The following DACH1 variants were observed in gnomAD, a reference collection of about 807,000 sequenced individuals.
DACH1 encodes the protein dachshund family transcription factor 1.
A neutral mutation model predicts 54.2 loss-of-function variants in DACH1; 12 were observed. The ratio of observed to expected loss-of-function variants is 0.22; its 90% CI spans 0.14 to 0.36. The LOEUF (loss-of-function observed/expected upper bound fraction) is 0.36, where lower values mean the gene tolerates loss of function less well. Ranked by LOEUF, DACH1 falls within the 10% of genes least tolerant of loss-of-function variation. DACH1 has a pLI of 1.00. For synonymous variants in DACH1, 386 were observed against 366.2 expected, an observed-to-expected ratio of 1.05 and a Z score of -0.62; for missense variants, 805 against 929.8, an observed-to-expected ratio of 0.87 and a Z score of 1.75.
At chr13:71,762,883 T>C (rs765531070) in intron 1 of DACH1, among the ~76,000 whole-genome samples, 1 of 151,832 alleles carries the variant, frequency 6.6e-6, no homozygotes, top group African/African-American at 2.4e-5. Context: ...AATTTAATAA[T>C]GTAGTTTTTT....
chr13:71,648,581 G>A (rs1878461844), intron 2 of DACH1, among the ~76,000 whole-genome samples: 1 of 152,132 alleles, frequency 6.6e-6, no homozygotes, highest in Non-Finnish European at 1.5e-5. Flanking sequence ...GCAGGCATAT[G>A]GTATAGGACA....
chr13:71,735,409 TAC>T (rs1329815597), intron 1 of DACH1, among the ~76,000 whole-genome samples: 1 of 31,012 alleles, frequency 3.2e-5, no homozygotes, highest in African/African-American at 8.6e-5. Flanking sequence ...ATACGGGATA[TAC>T]ACGTATATGG....
At chr13:71,449,185 G>A (rs1233484035) in intron 10 of DACH1, among the ~76,000 whole-genome samples, 1 of 152,088 alleles carries the variant, frequency 6.6e-6, no homozygotes, top group African/African-American at 2.4e-5. Context: ...AATTAGCGGG[G>A]CGTGGTGGCA....
rs532462253 is a variant in DACH1 at position 71,603,726 on chromosome 13, A to C, written c.1126+26830T>G. 1.1e-3 allele frequency among the ~76,000 whole-genome samples: 167 copies of C among 152,140 alleles called. 1 individual carries two copies. The highest frequency in any genetic ancestry group is 5.8e-4 in the East Asian group (3 of 5,190). On this transcript the variant is annotated intron_variant, in intron 3 of 10. Coordinates refer to ENST00000613252, the MANE Select transcript of DACH1 (RefSeq NM_080759.6). ...TAGATACTCCAACAAATAATATTTT[A>C]TATAAATTACCTATCAAGAAAAATA...
chr13:71,490,699 A>T (rs1347189687), intron 6 of DACH1, among the ~76,000 whole-genome samples: 1 of 152,194 alleles, frequency 6.6e-6, no homozygotes, highest in African/African-American at 2.4e-5. Context: ...GATCTTGGAC[A>T]CCATTTACCT....
chr13:71,675,365 T>A, intron 2 of DACH1: 1 of 1,503,326 alleles, frequency 6.7e-7, no homozygotes, highest in South Asian at 1.1e-5. Flanking sequence ...GAGGCCTATC[T>A]GGTTGGCCTT....
At chr13:71,687,473 A>G (rs1359168652) in intron 1 of DACH1, among the ~76,000 whole-genome samples, 2 of 152,216 alleles carry the variant, frequency 1.3e-5, no homozygotes, top group Non-Finnish European at 2.9e-5. Flanking sequence ...ATAAATACAT[A>G]GAAAAAAAGA....
intron 2 of DACH1, among the ~76,000 whole-genome samples, chr13:71,657,099 A>G (rs918031630): frequency 5.3e-5 from 8 of 151,162 alleles, no homozygotes; most frequent in Admixed American, 5.3e-4. Flanking sequence ...TTAGTTATAA[A>G]TTATTGATCA....
chr13:71,547,096 T>C (rs1270991706), intron 6 of DACH1, among the ~76,000 whole-genome samples: 5 of 152,086 alleles, frequency 3.3e-5, no homozygotes, highest in Non-Finnish European at 7.4e-5. Flanking sequence ...AATGAAAACC[T>C]TCAAACGAAA....
intron 6 of DACH1, among the ~76,000 whole-genome samples, chr13:71,532,286 T>C (rs2138309081): frequency 6.6e-6 from 1 of 151,954 alleles, no homozygotes; most frequent in East Asian, 1.9e-4. Flanking sequence ...GAAAAAGATA[T>C]ATTTCCTATC....
At chr13:71,486,831 T>C (rs551842189) in intron 7 of DACH1, among the ~76,000 whole-genome samples, 3 of 143,856 alleles carry the variant, frequency 2.1e-5, no homozygotes, top group Admixed American at 1.4e-4. Context: ...TATCTATCTA[T>C]CTATCTATCT....
chr13:71,447,455 G>A (rs1874565866), intron 10 of DACH1, among the ~76,000 whole-genome samples: 1 of 152,050 alleles, frequency 6.6e-6, no homozygotes, highest in African/African-American at 2.4e-5. Flanking sequence ...AGACAGATGT[G>A]GAATTTAGCT....
intron 1 of DACH1, among the ~76,000 whole-genome samples, chr13:71,745,465 T>C (rs549093131): frequency 1.3e-5 from 2 of 152,342 alleles, no homozygotes; most frequent in South Asian, 2.1e-4. Context: ...TATACTATCA[T>C]AATATATAAA....
At chr13:71,477,910 T>C (rs61957804) in intron 8 of DACH1, among the ~76,000 whole-genome samples, 2 of 152,212 alleles carry the variant, frequency 1.3e-5, no homozygotes, top group African/African-American at 4.8e-5. Flanking sequence ...ATGGGAACTT[T>C]ACGGTGTGAT....
At chr13:71,692,821 C>G (rs912317039) in intron 1 of DACH1, among the ~76,000 whole-genome samples, 1 of 151,790 alleles carries the variant, frequency 6.6e-6, no homozygotes, top group Non-Finnish European at 1.5e-5. Context: ...ACACCCAGCC[C>G]GTTCACCTAT....
At chr13:71,532,667 C>T (rs1229781697) in intron 6 of DACH1, among the ~76,000 whole-genome samples, 1 of 151,940 alleles carries the variant, frequency 6.6e-6, no homozygotes, top group African/African-American at 2.4e-5. Context: ...AGCCAGTATA[C>T]TTCAGCTCCC....
intron 10 of DACH1, among the ~76,000 whole-genome samples, chr13:71,450,098 T>C (rs142135305): frequency 9.3e-4 from 141 of 150,986 alleles, no homozygotes; most frequent in African/African-American, 3.4e-3. Context: ...TCTAAAGCTG[T>C]AAAACACAGT....
chr13:71,734,872 C>G (rs1883933879), intron 1 of DACH1, among the ~76,000 whole-genome samples: 1 of 146,188 alleles, frequency 6.8e-6, no homozygotes, highest in African/African-American at 2.6e-5. Flanking sequence ...ACGTATACCC[C>G]ATATACATAT....
Position 71,828,009 on chromosome 13 carries a change from T to C in DACH1, c.848+37913A>G, listed in dbSNP as rs187709070. ...AAATTTATAATTCTTCTGATAGCTT[T>C]TGATTAACTAAGTAAAGAAGAGGTC... is the stretch of plus-strand genomic sequence containing the variant. On this transcript the variant is annotated intron_variant, in intron 1 of 10. Coordinates refer to ENST00000613252, the MANE Select transcript of DACH1 (RefSeq NM_080759.6). 5.9e-5 allele frequency among the ~76,000 whole-genome samples: 9 copies of C among 152,120 alleles called. No individual in the cohort carries two copies. In the East Asian group the frequency reaches 1.4e-3, roughly 23 times the overall value.
Sources: allele counts gnomAD v4.1 joint callset (sites outside exome capture counted in the v4.1 genomes callset), GRCh38; gene constraint gnomAD v4.1.1; transcripts MANE v1.5; gene names NCBI Gene and HGNC (gene_info 2026-07-23, HGNC 2026-07-21).